Variants in PPP1R14C observed in about 807,000 individuals in gnomAD.
PPP1R14C encodes protein phosphatase 1 regulatory inhibitor subunit 14C, also known as protein phosphatase 1 regulatory subunit 14C.
A neutral mutation model predicts 20.4 loss-of-function variants in PPP1R14C; 16 were observed. The observed-to-expected ratio is 0.78, with a 90% CI of 0.53 to 1.19. The LOEUF (loss-of-function observed/expected upper bound fraction) is 1.19. Ranked by LOEUF, PPP1R14C falls within the 50% of genes most tolerant of loss-of-function variation. The pLI, the probability that PPP1R14C is intolerant of heterozygous loss-of-function variation, is 0.00. For synonymous variants in PPP1R14C, 91 were observed against 91.0 expected (o/e 1.00, Z 0.00); for missense variants, 211 against 220.1 (o/e 0.96, Z 0.26).
At chr6:150,172,193 C>A (rs1233934570) in intron 1 of PPP1R14C, among the ~76,000 whole-genome samples, 1 of 152,162 alleles carries the variant, frequency 6.6e-6, no homozygotes, top group African/African-American at 2.4e-5. Context: ...GAACCCTTTG[C>A]AGATGGGTAA....
chr6:150,249,864 C>G lies in PPP1R14C; in HGVS notation c.*1044C>G. 1 of 242,432 alleles carries G rather than the reference C, an allele frequency of 4.1e-6. No homozygotes were observed. Among genetic ancestry groups the G allele is most frequent in the Non-Finnish European group, 7.9e-6 (1 of 127,300 alleles). The allele number at this position is 242,432 out of a possible 1,614,324, so 15.0% of individuals were successfully genotyped here. On this transcript the variant is annotated 3_prime_UTR_variant, in exon 4 of 4. Transcript: ENST00000361131. ...TCAAGGTGAGAAAGCCTCACATTCT[C>G]TCAAGACAGTTGCTCTAGGAGCTGA...
At chr6:150,155,124 T>G (rs1198989856) in intron 1 of PPP1R14C, among the ~76,000 whole-genome samples, 1 of 152,308 alleles carries the variant, frequency 6.6e-6, no homozygotes, top group Non-Finnish European at 1.5e-5. Flanking sequence ...CACAGCAGCT[T>G]TCAGAAGTGA....
At chr6:150,156,172 CTCTTGG>C (rs1777304310) in intron 1 of PPP1R14C, among the ~76,000 whole-genome samples, 1 of 151,810 alleles carries the variant, frequency 6.6e-6, no homozygotes, top group Admixed American at 6.6e-5. Context: ...AGTCCTTGCA[CTCTTGG>C]TCTATCTATT....
At chr6:150,154,710 G>A (rs1358759356) in intron 1 of PPP1R14C, among the ~76,000 whole-genome samples, 4 of 152,176 alleles carry the variant, frequency 2.6e-5, no homozygotes, top group South Asian at 2.1e-4. Flanking sequence ...AAGTGGGAGC[G>A]TATCCATCCT....
chr6:150,227,528 A>G (rs777670341), intron 3 of PPP1R14C, among the ~76,000 whole-genome samples: 2 of 152,202 alleles, frequency 1.3e-5, no homozygotes, highest in Non-Finnish European at 2.9e-5. Flanking sequence ...AAGCAGTCAC[A>G]TTATTCATTT....
chr6:150,158,090 T>C (rs886442098), intron 1 of PPP1R14C, among the ~76,000 whole-genome samples: 2 of 152,228 alleles, frequency 1.3e-5, no homozygotes, highest in Non-Finnish European at 2.9e-5. Flanking sequence ...CATACTTGGC[T>C]AACTTTAATT....
intron 3 of PPP1R14C, among the ~76,000 whole-genome samples, chr6:150,225,585 A>G (rs1266034222): frequency 6.6e-6 from 1 of 152,140 alleles, no homozygotes; most frequent in Non-Finnish European, 1.5e-5. Flanking sequence ...GAGTTTGTTC[A>G]GCTTTTTACT....
At chr6:150,237,108 T>C (rs890630229) in intron 3 of PPP1R14C, among the ~76,000 whole-genome samples, 1 of 151,292 alleles carries the variant, frequency 6.6e-6, no homozygotes, top group African/African-American at 2.4e-5. Context: ...TTCTCCTCTG[T>C]CTTCAATGTC....
intron 1 of PPP1R14C, among the ~76,000 whole-genome samples, chr6:150,153,925 A>G (rs903857209): frequency 6.6e-6 from 1 of 152,236 alleles, no homozygotes; most frequent in Non-Finnish European, 1.5e-5. Flanking sequence ...AAGGGGTTAT[A>G]AAAAGCTTCA....
chr6:150,205,672 A>AATCT lies in PPP1R14C; in HGVS notation c.307-9071_307-9068dup, dbSNP rs569255629. Among the ~76,000 whole-genome samples the AATCT allele has an allele frequency of 1.0e-3, 154 of 152,018 alleles. 1 individual carries two copies. The highest frequency in any genetic ancestry group is 3.2e-3 in the African/African-American group (131 of 41,464). On this transcript the variant is annotated intron_variant, in intron 1 of 3. Coordinates refer to ENST00000361131, the MANE Select transcript of PPP1R14C (RefSeq NM_030949.3). ...GCTGGGTGTGGTGGCAGGCACCTGT[A>AATCT]ATCTCAGCTACTTGGGAGGCTGAGC...
At position 150,185,802 on chromosome 6, in the gene PPP1R14C, T is replaced by A. The variant is rs577986059; in HGVS notation, c.307-28942T>A. Among the ~76,000 whole-genome samples, 1 of 152,136 alleles carries A rather than the reference T, an allele frequency of 6.6e-6. No individual in the cohort carries two copies. Among genetic ancestry groups the A allele is most frequent in the Non-Finnish European group, 1.5e-5 (1 of 68,028 alleles). On this transcript the variant is annotated intron_variant, in intron 1 of 3. Transcript: ENST00000361131. The surrounding 1 kb of genome is among the most constrained non-coding windows in gnomAD (Gnocchi z 4.1). ...GCTGTGTAGCTTATATTGGCTGATG[T>A]AGGGGTTCTACCCTCACCATCACTC...
At chr6:150,243,224 G>A (rs530020860) in intron 3 of PPP1R14C, among the ~76,000 whole-genome samples, 1 of 143,642 alleles carries the variant, frequency 7.0e-6, no homozygotes, top group African/African-American at 2.6e-5. Context: ...CACCCAGGCC[G>A]GAGTGCAATG....
chr6:150,191,940 G>T lies in PPP1R14C; in HGVS notation c.307-22804G>T, dbSNP rs539615876. Among the ~76,000 whole-genome samples, 11 of 152,172 alleles carry T rather than the reference G, an allele frequency of 7.2e-5. No individual in the cohort carries two copies. In the South Asian group the frequency reaches 2.1e-3, roughly 29 times the overall value. On this transcript the variant is annotated intron_variant, in intron 1 of 3. Transcript: ENST00000361131. Reference sequence around the variant, plus strand: ...GAGGTGTAGATAGGGAAAGAAGAGGGTTCCAGGTACAGATTACTGTGTGCA... The same window carrying T: ...GAGGTGTAGATAGGGAAAGAAGAGGTTTCCAGGTACAGATTACTGTGTGCA...
rs1778069458 is a variant in PPP1R14C, at chr6:150,214,767, A to C, written c.330A>C (p.Glu110Asp). The C allele has an allele frequency of 6.2e-7, 1 of 1,613,156 alleles. No homozygotes were observed. The highest frequency in any genetic ancestry group is 1.3e-5 in the African/African-American group (1 of 74,882). Residue 110 changes from glutamate (E) to aspartate (D), a missense_variant, in exon 2 of 4, where the codon GAA becomes GAC. Transcript: ENST00000361131. ...AGGAAGAAGAAATGCCAGAGGTAGA[A>C]ATTGACATTGATGATCTTCTTGATG... ...GCEEEEMPEV[E>D]IDIDDLLDAD...
chr6:150,155,671 T>C (rs372721992), intron 1 of PPP1R14C, among the ~76,000 whole-genome samples: 1 of 152,340 alleles, frequency 6.6e-6, no homozygotes, highest in Non-Finnish European at 1.5e-5. Flanking sequence ...TTGAACAGTT[T>C]ACAGGATTCT....
chr6:150,230,508 C>A (rs1300683075), intron 3 of PPP1R14C, among the ~76,000 whole-genome samples: 2 of 152,142 alleles, frequency 1.3e-5, no homozygotes, highest in Non-Finnish European at 2.9e-5. Context: ...CTGTTTCTCT[C>A]CCGTCCCCCC....
rs1777144599 is a variant in PPP1R14C, at chr6:150,143,334, G to A, written c.142G>A (p.Ala48Thr). 1 of 1,603,446 alleles carries A rather than the reference G, an allele frequency of 6.2e-7. No individual in the cohort carries two copies. Among genetic ancestry groups the A allele is most frequent in the Non-Finnish European group, 8.5e-7 (1 of 1,176,418 alleles). Residue 48 changes from alanine to threonine, a missense_variant, in exon 1 of 4, where the codon GCG (alanine) becomes ACG (threonine). Ala to Thr is a moderately conservative substitution (Grantham distance 58). Coordinates refer to ENST00000361131, the MANE Select transcript of PPP1R14C (RefSeq NM_030949.3). The surrounding 1 kb of genome is among the most constrained non-coding windows in gnomAD (Gnocchi z 5.6). ...SGSGSSREDS[A>T]PVATAAAAGQ... ...CTCAGGCTCCTCCCGGGAGGACTCG[G>A]CGCCCGTGGCCACGGCGGCCGCTGC...
chr6:150,230,676 C>A (rs1486366101), intron 3 of PPP1R14C, among the ~76,000 whole-genome samples: 1 of 152,208 alleles, frequency 6.6e-6, no homozygotes, highest in Non-Finnish European at 1.5e-5. Flanking sequence ...AGACTGTTTC[C>A]TGAGCAGGGA....
chr6:150,213,116 A>G (rs1778047719), intron 1 of PPP1R14C, among the ~76,000 whole-genome samples: 1 of 152,230 alleles, frequency 6.6e-6, no homozygotes. Flanking sequence ...GATGAGATCT[A>G]AAACGTTCAC....
Sources: allele counts gnomAD v4.1 joint callset (sites outside exome capture counted in the v4.1 genomes callset), GRCh38; gene constraint gnomAD v4.1.1; non-coding constraint Gnocchi (gnomAD v3.1); transcripts MANE v1.5; gene names NCBI Gene and HGNC (gene_info 2026-07-23, HGNC 2026-07-21).